PAPPA: variants seen among roughly 807,000 people sequenced by gnomAD.
PAPPA encodes pappalysin 1.
Under a neutral mutation model 164.0 loss-of-function variants are expected in PAPPA, and 60 were observed. The observed-to-expected ratio is 0.37, with a 90% CI of 0.30 to 0.45. PAPPA has a LOEUF of 0.45. PAPPA is among the 20% of genes least tolerant of loss of function. The pLI is 1.00. For synonymous variants in PAPPA, 875 were observed against 814.1 expected (o/e 1.07, Z -1.27); for missense variants, 1,782 against 2,087.3 (o/e 0.85, Z 2.85).
rs111440218 is a variant in PAPPA, at chr9:116,246,286, G to A, written c.2732+10649G>A. Among the ~76,000 whole-genome samples the A allele has an allele frequency of 1.9e-4, 29 of 152,094 alleles. 1 individual carries two copies. The highest frequency in any genetic ancestry group is 4.6e-4 in the African/African-American group (19 of 41,508). The stretch of plus-strand genomic sequence containing the variant: ...AAGATGCTCAGATAAACTATGTAAC[G>A]GGCCCACATACACCCAGCTGGTAAA... On this transcript the variant is annotated intron_variant, in intron 7 of 21. Coordinates refer to ENST00000328252, the MANE Select transcript of PAPPA (RefSeq NM_002581.5).
intron 8 of PAPPA, among the ~76,000 whole-genome samples, chr9:116,267,260 G>A (rs867707861): frequency 1.3e-5 from 2 of 152,208 alleles, no homozygotes; most frequent in East Asian, 1.9e-4. Flanking sequence ...ATGTAAACTG[G>A]AAACCTCTGC....
rs535724059 is a variant in PAPPA, at chr9:116,166,050, A to C, written c.415+11463A>C. ...GATAACTGGATAAGAGAACCAGTTT[A>C]ATATCTAATGATTCTGGGAGAAAGA... On this transcript the variant is annotated intron_variant, in intron 1 of 21. Transcript: ENST00000328252. 6.6e-5 allele frequency among the ~76,000 whole-genome samples: 10 copies of C among 152,342 alleles called. No individual in the cohort carries two copies. The South Asian group carries it at 2.1e-3, about 32-fold the overall frequency.
intron 2 of PAPPA, among the ~76,000 whole-genome samples, chr9:116,200,022 C>G (rs1015441189): frequency 1.3e-5 from 2 of 152,166 alleles, no homozygotes; most frequent in Non-Finnish European, 2.9e-5. Context: ...ACACCTTCCA[C>G]TAGGCTCCAC....
intron 1 of PAPPA, among the ~76,000 whole-genome samples, chr9:116,180,981 C>T (rs930083074): frequency 2.0e-5 from 3 of 152,180 alleles, no homozygotes; most frequent in Non-Finnish European, 4.4e-5. Flanking sequence ...CTAGGAGACA[C>T]CTTGAGGTGA....
intron 7 of PAPPA, among the ~76,000 whole-genome samples, chr9:116,259,953 T>C (rs188459669): frequency 6.6e-6 from 1 of 152,268 alleles, no homozygotes; most frequent in East Asian, 1.9e-4. Flanking sequence ...AAATAAATTA[T>C]GATATATTCA....
Position 116,344,628 on chromosome 9 carries a change from T to C in PAPPA, c.3697T>C (p.Tyr1233His), listed in dbSNP as rs1182426631. 1 of 1,614,062 alleles carries C rather than the reference T, an allele frequency of 6.2e-7. No individual in the cohort carries two copies. Among genetic ancestry groups the C allele is most frequent in the East Asian group, 2.2e-5 (1 of 44,892 alleles). ...TCTCAATTGCTCCAGCAGCGACCGC[T>C]ACCACGGTGCCCAGTGTACTGTGAG... The part of the protein sequence containing the change: ...ASLNCSSSDR[Y>H]HGAQCTVSCR... The change falls in exon 14 of 22, where the codon TAC (tyrosine) becomes CAC (histidine). Residue 1233 changes from tyrosine (Y) to histidine (H), a missense_variant. Around this residue, in one of 2 missense-constraint regions of PAPPA, gnomAD observed 1,324 missense variants for 1,656.9 expected, o/e 0.80. Transcript: ENST00000328252.
intron 9 of PAPPA, among the ~76,000 whole-genome samples, chr9:116,272,813 C>A (rs1845153163): frequency 6.6e-6 from 1 of 152,154 alleles, no homozygotes; most frequent in Non-Finnish European, 1.5e-5. Flanking sequence ...ATTAGGAAAA[C>A]CAGGTTCTAG....
chr9:116,181,879 A>G (rs749938107), intron 1 of PAPPA, among the ~76,000 whole-genome samples: 3 of 152,262 alleles, frequency 2.0e-5, no homozygotes, highest in Admixed American at 2.0e-4. Flanking sequence ...ATTCTTAGTT[A>G]ATTGTTTAGG....
intron 9 of PAPPA, among the ~76,000 whole-genome samples, chr9:116,272,550 G>T (rs995180502): frequency 6.6e-6 from 1 of 152,150 alleles, no homozygotes; most frequent in African/African-American, 2.4e-5. Flanking sequence ...TTCTCAACAC[G>T]CATTTGTTGA....
chr9:116,155,109 C>G (rs1238706052), intron 1 of PAPPA, among the ~76,000 whole-genome samples: 1 of 152,206 alleles, frequency 6.6e-6, no homozygotes, highest in Non-Finnish European at 1.5e-5. Flanking sequence ...AAGTTGCTCA[C>G]TGATTGAAGC....
intron 1 of PAPPA, among the ~76,000 whole-genome samples, chr9:116,167,286 G>T (rs1305981882): frequency 2.0e-5 from 3 of 152,114 alleles, no homozygotes; most frequent in African/African-American, 4.8e-5. Flanking sequence ...CATATACTTT[G>T]AATCATTTCT....
intron 9 of PAPPA, chr9:116,289,042 C>G (rs1366092484): frequency 6.7e-6 from 1 of 150,328 alleles, no homozygotes; most frequent in Non-Finnish European, 1.5e-5. Flanking sequence ...AAGCTTCTTT[C>G]TTTGCTGGAC....
rs200492098 is a variant in PAPPA, at chr9:116,196,302, G to C, written c.1478+8086G>C. Among the ~76,000 whole-genome samples, 6 of 152,302 alleles carry C rather than the reference G, an allele frequency of 3.9e-5. No individual in the cohort carries two copies. The East Asian group carries it at 1.2e-3, about 29-fold the overall frequency. On this transcript the variant is annotated intron_variant, in intron 2 of 21. Coordinates refer to ENST00000328252, the MANE Select transcript of PAPPA (RefSeq NM_002581.5). ...AGCTGCCTGGATGGATGGCAGTACT[G>C]GTGCCCTTTCAAGGGCCTCAGCAGG...
rs1481168819 is a variant in PAPPA, at chr9:116,362,586, G to T, written c.4348-6G>T. ...TTGGTCCTAACTCTGTTTCTCTGTT[G>T]TTCAGGGACTTGGGAGCAATGTCAT... is the stretch of plus-strand genomic sequence containing the variant. On this transcript the variant is annotated splice_region_variant and splice_polypyrimidine_tract_variant and intron_variant, in intron 17 of 21. Coordinates refer to ENST00000328252, the MANE Select transcript of PAPPA (RefSeq NM_002581.5). 6.2e-7 allele frequency: 1 copy of T among 1,612,704 alleles called. No homozygotes were observed. Among genetic ancestry groups the T allele is most frequent in the East Asian group, 2.2e-5 (1 of 44,860 alleles).
At chr9:116,239,647 GA>G in intron 7 of PAPPA, among the ~76,000 whole-genome samples, 1 of 152,256 alleles carries the variant, frequency 6.6e-6, no homozygotes, top group Middle Eastern at 3.4e-3. Context: ...TGAGGTAGGT[GA>G]AAAAGCTTAA....
chr9:116,169,513 C>A (rs1200468008), intron 1 of PAPPA, among the ~76,000 whole-genome samples: 2 of 150,984 alleles, frequency 1.3e-5, no homozygotes, highest in Non-Finnish European at 3.0e-5. Flanking sequence ...AGAGACAGGG[C>A]TTCATCATGT....
chr9:116,237,315 T>C (rs1384141428), intron 7 of PAPPA, among the ~76,000 whole-genome samples: 1 of 152,246 alleles, frequency 6.6e-6, no homozygotes, highest in African/African-American at 2.4e-5. Context: ...ATTTAAAGGA[T>C]AGTCTTGCCT....
At chr9:116,198,814 C>G (rs1844136540) in intron 2 of PAPPA, among the ~76,000 whole-genome samples, 1 of 152,102 alleles carries the variant, frequency 6.6e-6, no homozygotes, top group African/African-American at 2.4e-5. Flanking sequence ...AAAATGCATT[C>G]ATTGTAAAGT....
chr9:116,321,263 G>A lies in PAPPA; in HGVS notation c.3148-9981G>A, dbSNP rs557769387. ...AAGATGGTCTCGATCTCCTGACCTCGTGATCCGCCCGCCTCAGCCTCCCAA... is the reference window on the plus strand; with the variant it reads ...AAGATGGTCTCGATCTCCTGACCTCATGATCCGCCCGCCTCAGCCTCCCAA... On this transcript the variant is annotated intron_variant, in intron 10 of 21. Transcript: ENST00000328252. Among the ~76,000 whole-genome samples, 439 of 151,980 alleles carry A rather than the reference G, an allele frequency of 2.9e-3. 3 individuals are homozygous for A. Among genetic ancestry groups the A allele is most frequent in the Non-Finnish European group, 3.2e-3 (220 of 67,912 alleles).
Sources: allele counts gnomAD v4.1 joint callset (sites outside exome capture counted in the v4.1 genomes callset), GRCh38; gene constraint gnomAD v4.1.1; regional missense constraint gnomAD v4.1.1; transcripts MANE v1.5; gene names NCBI Gene and HGNC (gene_info 2026-07-23, HGNC 2026-07-21).